The following SKP2 variants were observed in gnomAD, a reference collection of about 807,000 sequenced individuals.
SKP2 encodes S-phase kinase associated protein 2.
A neutral mutation model predicts 51.8 loss-of-function variants in SKP2; 16 were observed. The ratio of observed to expected loss-of-function variants is 0.31; its 90% CI spans 0.21 to 0.47. SKP2 has a LOEUF of 0.47. Among genes scored for constraint, SKP2 ranks in the 20% least tolerant of loss-of-function variants. SKP2 has a pLI of 1.00. For synonymous variants in SKP2, 176 were observed against 198.6 expected (o/e 0.89, Z 0.96); for missense variants, 377 against 505.3 (o/e 0.75, Z 2.43).
At chr5:36,175,736 A>G (rs1745612412) in intron 7 of SKP2, among the ~76,000 whole-genome samples, 2 of 151,712 alleles carry the variant, frequency 1.3e-5, no homozygotes, top group African/African-American at 4.8e-5. Flanking sequence ...AAGCTATCCT[A>G]GTATTTTTTT....
At chr5:36,160,515 C>T (rs771359509) in intron 2 of SKP2, among the ~76,000 whole-genome samples, 13 of 152,024 alleles carry the variant, frequency 8.6e-5, no homozygotes, top group Non-Finnish European at 1.6e-4. Flanking sequence ...TTGTACCTTA[C>T]TTATTGTTGT....
At chr5:36,191,251 A>G (rs770935979) in intron 6 of SKP2, among the ~76,000 whole-genome samples, 14 of 152,154 alleles carry the variant, frequency 9.2e-5, no homozygotes, top group Non-Finnish European at 1.5e-4. Flanking sequence ...GATGGTCACA[A>G]GAGAAGTGCT....
chr5:36,185,682 A>ATGAT (rs1745946839), downstream of SKP2, among the ~76,000 whole-genome samples: 1 of 152,196 alleles, frequency 6.6e-6, no homozygotes, highest in African/African-American at 2.4e-5. Flanking sequence ...GAAGTCAGGT[A>ATGAT]GCATGATGCC....
At position 36,182,145 on chromosome 5, in the gene SKP2, G is replaced by A; in HGVS notation, c.*114G>A. 6.1e-6 allele frequency: 9 copies of A among 1,478,800 alleles called. No homozygotes were observed. The highest frequency in any genetic ancestry group is 7.2e-6 in the Non-Finnish European group (8 of 1,115,862). 91.6% of individuals were successfully genotyped at this position (1,478,800 alleles called of 1,614,324 possible). A position where few individuals can be genotyped will look rare whatever the true frequency, so the allele number is the denominator to read the frequency against. ...TTGGTTTTCCCTTTGCCTTCATTCTGCAAGTATACTAGGGAGCCATTTGAG... is the reference window on the plus strand; with the variant it reads ...TTGGTTTTCCCTTTGCCTTCATTCTACAAGTATACTAGGGAGCCATTTGAG... On this transcript the variant is annotated 3_prime_UTR_variant, in exon 10 of 10. Coordinates refer to ENST00000274255, the MANE Select transcript of SKP2 (RefSeq NM_005983.4).
rs1745853623 is a variant in SKP2, at chr5:36,182,847, T to C, written c.*816T>C. 2 of 984,904 alleles carry C rather than the reference T, an allele frequency of 2.0e-6. No homozygotes were observed. Among genetic ancestry groups the C allele is most frequent in the Non-Finnish European group, 2.4e-6 (2 of 829,466 alleles). 61.0% of individuals were successfully genotyped at this position (984,904 alleles called of 1,614,324 possible). Reference sequence around the variant, plus strand: ...GGGTCCTTTAGCTTTTAAAATGACTTGCTTTGTTTTAGAAAGGTGGTATTA... The same window carrying C: ...GGGTCCTTTAGCTTTTAAAATGACTCGCTTTGTTTTAGAAAGGTGGTATTA... On this transcript the variant is annotated 3_prime_UTR_variant, in exon 10 of 10. Transcript: ENST00000274255.
At chr5:36,168,266 A>T in intron 4 of SKP2, 47 bp from the exon 5 acceptor site, 1 of 1,590,854 alleles carries the variant, frequency 6.3e-7, no homozygotes, top group South Asian at 1.1e-5. Context: ...AATTGGATGT[A>T]CCCGTGAGAG....
intron 1 of SKP2, among the ~76,000 whole-genome samples, chr5:36,152,559 T>C (rs1177451572): frequency 1.3e-5 from 2 of 152,194 alleles, no homozygotes; most frequent in Non-Finnish European, 2.9e-5. Flanking sequence ...TCTTGAGGCC[T>C]TCTGCAGGAT....
chr5:36,156,388 C>G (rs1561531034), intron 2 of SKP2, among the ~76,000 whole-genome samples: 1 of 152,158 alleles, frequency 6.6e-6, no homozygotes, highest in South Asian at 2.1e-4. Flanking sequence ...TATCTGATGA[C>G]TGGTTCTGGG....
intron 7 of SKP2, 42 bp from the exon 8 acceptor site, chr5:36,176,923 C>T (rs780153340): frequency 7.7e-7 from 1 of 1,303,896 alleles, no homozygotes; most frequent in Non-Finnish European, 1.1e-6. Flanking sequence ...TTGTCTTGTT[C>T]CTCATTTAAT....
At chr5:36,192,285 A>C (rs1197341509) in intron 6 of SKP2, among the ~76,000 whole-genome samples, 1 of 152,186 alleles carries the variant, frequency 6.6e-6, no homozygotes, top group African/African-American at 2.4e-5. Context: ...TAGACAACTC[A>C]TTAGTACATT....
chr5:36,176,857 G>T, intron 7 of SKP2, 108 bp from the exon 8 acceptor site: 1 of 688,334 alleles, frequency 1.5e-6, no homozygotes, highest in Non-Finnish European at 2.5e-6. Context: ...GGTTCTAATT[G>T]CATTGCCCTG....
At chr5:36,178,061 A>G (rs1487068174) in intron 9 of SKP2, among the ~76,000 whole-genome samples, 1 of 151,948 alleles carries the variant, frequency 6.6e-6, no homozygotes, top group Non-Finnish European at 1.5e-5. Flanking sequence ...CCTGGGAATC[A>G]TATCTTGTTT....
intron 9 of SKP2, among the ~76,000 whole-genome samples, chr5:36,180,452 A>ATT (rs1745770562): frequency 6.6e-6 from 1 of 152,150 alleles, no homozygotes; most frequent in African/African-American, 2.4e-5. Flanking sequence ...AAGCATATTT[A>ATT]TTTCCCTTGG....
Position 36,183,762 on chromosome 5 carries a change from G to A in SKP2, c.*1731G>A, listed in dbSNP as rs868048025. ...GACCTAAGGAAGATTTTAAAGTTGG[G>A]TTGCACAGGAAATGATGATGCTTCA... is the stretch of plus-strand genomic sequence containing the variant. On this transcript the variant is annotated 3_prime_UTR_variant, in exon 10 of 10. Transcript: ENST00000274255. 66 of 1,459,244 alleles carry A rather than the reference G, an allele frequency of 4.5e-5. No homozygotes were observed. In the Middle Eastern group the frequency reaches 1.0e-3, roughly 23 times the overall value. The allele number at this position is 1,459,244 out of a possible 1,614,324, so 90.4% of individuals were successfully genotyped here.
rs768739096 is a variant in SKP2 at position 36,177,106 on chromosome 5, A to C, written c.954-79A>C. The C allele has an allele frequency of 2.4e-5, 31 of 1,301,666 alleles. No individual in the cohort carries two copies. In the African/African-American group the frequency reaches 3.8e-4, roughly 16 times the overall value. 80.6% of individuals were successfully genotyped at this position (1,301,666 alleles called of 1,614,324 possible). A position where few individuals can be genotyped will look rare whatever the true frequency, so the allele number is the denominator to read the frequency against. ...AAAGGATCATAATGTTGAAGCAACT[A>C]AACAGTAGGTTATTTCTGTCTTCTT... On this transcript the variant is annotated intron_variant, in intron 8 of 9. Coordinates refer to ENST00000274255, the MANE Select transcript of SKP2 (RefSeq NM_005983.4).
chr5:36,159,713 A>G (rs1411839433), intron 2 of SKP2, among the ~76,000 whole-genome samples: 1 of 152,202 alleles, frequency 6.6e-6, no homozygotes, highest in East Asian at 1.9e-4. Context: ...TAACCTGCCT[A>G]TTAGCCTACT....
At chr5:36,181,674 T>C (rs1745815418) in intron 9 of SKP2, 144 bp from the exon 10 acceptor site, 2 of 795,488 alleles carry the variant, frequency 2.5e-6, no homozygotes, top group Admixed American at 5.0e-5. Context: ...TTTAATTTGC[T>C]ATTTTCTCAA....
At chr5:36,156,487 C>T (rs191868036) in intron 2 of SKP2, among the ~76,000 whole-genome samples, 8 of 152,270 alleles carry the variant, frequency 5.3e-5, no homozygotes, top group African/African-American at 1.4e-4. Flanking sequence ...CCTCTTCATC[C>T]GTTTATCTGG....
At chr5:36,153,473 C>T (rs1744826336) in intron 2 of SKP2, among the ~76,000 whole-genome samples, 1 of 152,102 alleles carries the variant, frequency 6.6e-6, no homozygotes, top group Admixed American at 6.5e-5. Flanking sequence ...GAACGTTCAC[C>T]TAAGTGGGGG....
Sources: allele counts gnomAD v4.1 joint callset (sites outside exome capture counted in the v4.1 genomes callset), GRCh38; gene constraint gnomAD v4.1.1; transcripts MANE v1.5; gene names NCBI Gene and HGNC (gene_info 2026-07-23, HGNC 2026-07-21).